Variants in CPS1 observed in about 807,000 individuals in gnomAD.
The protein encoded by CPS1 is carbamoyl-phosphate synthase [ammonia], mitochondrial.
A neutral mutation model predicts 174.6 loss-of-function variants in CPS1; 109 were observed. That is an observed-to-expected ratio of 0.62 (90% CI 0.53 to 0.73). The LOEUF (loss-of-function observed/expected upper bound fraction) is 0.73, where lower values mean the gene tolerates loss of function less well. CPS1 is among the 30% of genes least tolerant of loss of function. The pLI is 0.00. For missense variants in CPS1, 1,689 were observed against 1,821.9 expected (o/e 0.93, Z 1.33); for synonymous variants, 637 against 632.0 (o/e 1.01, Z -0.12).
intron 34 of CPS1, chr2:210,674,094 T>C (rs76286948): frequency 1.3e-5 from 2 of 152,116 alleles, no homozygotes; most frequent in Non-Finnish European, 2.9e-5. Context: ...GTTCCAAAGA[T>C]TGAGTTATTG....
chr2:210,627,988 G>A lies in CPS1; in HGVS notation c.2688-9714G>A, dbSNP rs114289893. Among the ~76,000 whole-genome samples, 95 of 152,246 alleles carry A rather than the reference G, an allele frequency of 6.2e-4. 1 individual carries two copies. Among genetic ancestry groups the A allele is most frequent in the African/African-American group, 2.1e-3 (88 of 41,544 alleles). ...ACATTTATTATTTTATCTGGCTGAT[G>A]AGTCTTTTTCTCAGGATGGTGGAGC... On this transcript the variant is annotated intron_variant, in intron 21 of 37. Transcript: ENST00000233072.
intron 1 of CPS1, among the ~76,000 whole-genome samples, chr2:210,562,338 A>T (rs957882924): frequency 8.5e-5 from 13 of 152,190 alleles, no homozygotes; most frequent in Non-Finnish European, 1.5e-4. Flanking sequence ...AAGATTATTA[A>T]CTGAGAATGT....
intron 17 of CPS1, among the ~76,000 whole-genome samples, chr2:210,606,013 G>A (rs1698895220): frequency 6.6e-6 from 1 of 151,890 alleles, no homozygotes; most frequent in Non-Finnish European, 1.5e-5. Context: ...GCCAATGCAA[G>A]AACTATTTTA....
chr2:210,573,610 A>G (rs1221287353), intron 2 of CPS1, among the ~76,000 whole-genome samples: 1 of 152,058 alleles, frequency 6.6e-6, no homozygotes, highest in African/African-American at 2.4e-5. Flanking sequence ...TAAATGAAAG[A>G]CAACATGGGC....
upstream of CPS1, among the ~76,000 whole-genome samples, chr2:210,552,189 C>T (rs1411016145): frequency 6.6e-6 from 1 of 151,928 alleles, no homozygotes; most frequent in Non-Finnish European, 1.5e-5. Flanking sequence ...GTTATTGCAC[C>T]TCCTTTTACT....
intron 1 of CPS1, among the ~76,000 whole-genome samples, chr2:210,509,963 A>G (rs569390633): frequency 1.3e-5 from 2 of 152,292 alleles, no homozygotes; most frequent in East Asian, 3.9e-4. Context: ...AAGGTAATTT[A>G]TAGATTCAAT....
Position 210,594,682 on chromosome 2 carries a change from G to T in CPS1, c.1263+76G>T, listed in dbSNP as rs1166010342. The T allele has an allele frequency of 1.2e-5, 12 of 962,984 alleles. No individual in the cohort carries two copies. In the East Asian group the frequency reaches 3.0e-4, roughly 24 times the overall value. The allele number at this position is 962,984 out of a possible 1,614,324, so 59.7% of individuals were successfully genotyped here. ...ACATGAAGATTTTTAAAAACTAAGT[G>T]ATGTAAGGCATACTAGTGTTTAATA... On this transcript the variant is annotated intron_variant, in intron 12 of 37. Transcript: ENST00000233072.
At chr2:210,614,193 G>A (rs556168908) in intron 20 of CPS1, among the ~76,000 whole-genome samples, 48 of 152,010 alleles carry the variant, frequency 3.2e-4, no homozygotes, top group African/African-American at 1.1e-3. Context: ...TCATTACAGT[G>A]ATGTTACATA....
chr2:210,558,769 C>T (rs985315562), intron 1 of CPS1, among the ~76,000 whole-genome samples: 1 of 152,134 alleles, frequency 6.6e-6, no homozygotes, highest in African/African-American at 2.4e-5. Context: ...ACAACCACGA[C>T]AAAATGGTCT....
intron 21 of CPS1, among the ~76,000 whole-genome samples, chr2:210,621,565 A>G (rs929421002): frequency 6.6e-6 from 1 of 152,134 alleles, no homozygotes; most frequent in African/African-American, 2.4e-5. Context: ...ATAAATACCA[A>G]AAGAAAAATA....
chr2:210,601,536 TG>T (rs753170456), intron 15 of CPS1, among the ~76,000 whole-genome samples: 6 of 151,990 alleles, frequency 3.9e-5, no homozygotes, highest in Admixed American at 2.6e-4. Context: ...GGGAAGCTCT[TG>T]CCATACATTT....
At chr2:210,531,333 T>G (rs959187071) in intron 1 of CPS1, among the ~76,000 whole-genome samples, 1 of 152,144 alleles carries the variant, frequency 6.6e-6, no homozygotes, top group Non-Finnish European at 1.5e-5. Flanking sequence ...CTCCTGTGGT[T>G]TCTATTTAGC....
upstream of CPS1, chr2:210,556,562 G>C: frequency 6.7e-7 from 1 of 1,481,982 alleles, no homozygotes; most frequent in Non-Finnish European, 8.9e-7. Context: ...GAGGAGCTGT[G>C]GCTGAAGACA....
At chr2:210,655,523 GT>G (rs1022807713) in intron 29 of CPS1, among the ~76,000 whole-genome samples, 2 of 139,712 alleles carry the variant, frequency 1.4e-5, no homozygotes, top group African/African-American at 2.4e-5. Context: ...CCTGAGCTCA[GT>G]GGGGTGAATG....
intron 2 of CPS1, 142 bp downstream of exon 2, chr2:210,573,549 C>G (rs1161926484): frequency 8.7e-6 from 6 of 689,154 alleles, no homozygotes; most frequent in Non-Finnish European, 1.5e-5. Flanking sequence ...TTGTGCATAG[C>G]CTACTGCTGC....
At chr2:210,481,145 G>A (rs1334327395) in intron 1 of CPS1, among the ~76,000 whole-genome samples, 1 of 152,136 alleles carries the variant, frequency 6.6e-6, no homozygotes, top group East Asian at 1.9e-4. Context: ...TTCCTTGGGA[G>A]ATTAAAAAAG....
At chr2:210,662,204 A>AT (rs1421383266) in intron 32 of CPS1, among the ~76,000 whole-genome samples, 1 of 152,062 alleles carries the variant, frequency 6.6e-6, no homozygotes, top group African/African-American at 2.4e-5. Context: ...GTAGATATGC[A>AT]TTTTTTAAAT....
intron 24 of CPS1, among the ~76,000 whole-genome samples, chr2:210,641,502 C>G (rs1700223683): frequency 6.6e-6 from 1 of 152,118 alleles, no homozygotes; most frequent in South Asian, 2.1e-4. Flanking sequence ...AAGGCCCCAC[C>G]TCCCAGCACT....
Position 210,513,045 on chromosome 2 carries a change from G to GAT in CPS1, c.3+35290_3+35291dup, listed in dbSNP as rs199599170. 1.6e-4 allele frequency among the ~76,000 whole-genome samples: 4 copies of GAT among 25,462 alleles called. 1 individual carries two copies. Among genetic ancestry groups the GAT allele is most frequent in the Non-Finnish European group, 3.8e-4 (4 of 10,508 alleles). The allele number at this position is 25,462 out of a possible 152,430, so 16.7% of individuals were successfully genotyped here. A position where few individuals can be genotyped will look rare whatever the true frequency, so the allele number is the denominator to read the frequency against. On this transcript the variant is annotated intron_variant, in intron 1 of 38. Coordinates refer to the CPS1 transcript ENST00000430249. ...ATCTATATATTTATATATATATGGA[G>GAT]ATATATATATATGGAGATATATATG...
Sources: allele counts gnomAD v4.1 joint callset (sites outside exome capture counted in the v4.1 genomes callset), GRCh38; gene constraint gnomAD v4.1.1; transcripts MANE v1.5; gene names NCBI Gene and HGNC (gene_info 2026-07-23, HGNC 2026-07-21).